The following SYNPR variants were observed in gnomAD, a reference collection of about 807,000 sequenced individuals.
The protein encoded by SYNPR is synaptoporin.
Under a neutral mutation model 32.9 loss-of-function variants are expected in SYNPR, and 23 were observed. The ratio of observed to expected loss-of-function variants is 0.70; its 90% confidence interval spans 0.50 to 0.99. SYNPR has a LOEUF of 0.99. SYNPR is among the 50% of genes least tolerant of loss of function. SYNPR has a pLI of 0.00. For missense variants in SYNPR, 318 were observed against 349.3 expected (o/e 0.91, Z 0.71); for synonymous variants, 146 against 135.9 (o/e 1.07, Z -0.52).
At chr3:63,499,836 C>T (rs1027441286) in intron 3 of SYNPR, among the ~76,000 whole-genome samples, 4 of 151,882 alleles carry the variant, frequency 2.6e-5, no homozygotes, top group Admixed American at 2.0e-4. Flanking sequence ...ACACTGAGGA[C>T]CACCAAGATT....
chr3:63,227,897 G>A (rs80259652), upstream of SYNPR, among the ~76,000 whole-genome samples: 556 of 152,286 alleles, frequency 3.7e-3, 2 homozygotes, highest in Middle Eastern at 0.017. Context: ...TCACACACAA[G>A]TGGAATTCTG....
chr3:63,357,180 C>G (rs2087594375), intron 2 of SYNPR, among the ~76,000 whole-genome samples: 1 of 152,144 alleles, frequency 6.6e-6, no homozygotes, highest in African/African-American at 2.4e-5. Context: ...ATTTGCTATC[C>G]CTGTTCATCG....
At chr3:63,402,802 C>A (rs1438803448) in intron 2 of SYNPR, among the ~76,000 whole-genome samples, 1 of 152,172 alleles carries the variant, frequency 6.6e-6, no homozygotes, top group African/African-American at 2.4e-5. Flanking sequence ...ATTTGTTGCA[C>A]AAATAAATAA....
the SYNPR span, among the ~76,000 whole-genome samples, chr3:63,218,959 C>T: frequency 1.3e-5 from 2 of 152,150 alleles, no homozygotes; most frequent in Non-Finnish European, 2.9e-5. Context: ...ATGCTATATG[C>T]AGGAATACAG....
At chr3:63,570,031 G>T (rs923979861) in intron 4 of SYNPR, among the ~76,000 whole-genome samples, 13 of 152,096 alleles carry the variant, frequency 8.5e-5, no homozygotes, top group African/African-American at 3.1e-4. Flanking sequence ...GCTTTCATTG[G>T]CTTTGTTTGT....
chr3:63,225,252 C>T (rs539802022), upstream of SYNPR, among the ~76,000 whole-genome samples: 13 of 152,310 alleles, frequency 8.5e-5, no homozygotes, highest in South Asian at 2.7e-3. Flanking sequence ...TTAGTATATA[C>T]ACTGTGACTT....
At chr3:63,461,039 G>T (rs1245905173) in intron 2 of SYNPR, among the ~76,000 whole-genome samples, 1 of 151,858 alleles carries the variant, frequency 6.6e-6, no homozygotes, top group Non-Finnish European at 1.5e-5. Flanking sequence ...TGACTCTCAG[G>T]TTTGTTTTTT....
the SYNPR span, among the ~76,000 whole-genome samples, chr3:63,218,625 T>G: frequency 6.6e-6 from 1 of 152,320 alleles, no homozygotes. Flanking sequence ...CTTAAGAAAG[T>G]AAAGCTTCTG....
intron 3 of SYNPR, among the ~76,000 whole-genome samples, chr3:63,546,028 G>A (rs533426351): frequency 3.5e-4 from 53 of 152,158 alleles, no homozygotes; most frequent in South Asian, 2.1e-3. Context: ...GACTGTTTTT[G>A]TTTCACAATT....
At chr3:63,209,858 T>C in the SYNPR span, among the ~76,000 whole-genome samples, 1 of 152,322 alleles carries the variant, frequency 6.6e-6, no homozygotes, top group East Asian at 1.9e-4. Context: ...CTGTCTCCTC[T>C]AAAGATTGGA....
At chr3:63,478,487 TA>T (rs1409698643) in intron 2 of SYNPR, among the ~76,000 whole-genome samples, 1 of 152,192 alleles carries the variant, frequency 6.6e-6, no homozygotes, top group East Asian at 1.9e-4. Context: ...TTGTTGCCAC[TA>T]GGAAATATGA....
intron 3 of SYNPR, among the ~76,000 whole-genome samples, chr3:63,515,156 G>GC (rs1007335225): frequency 2.4e-4 from 37 of 151,780 alleles, no homozygotes; most frequent in Admixed American, 3.9e-4. Context: ...TATTATTTCT[G>GC]CCCCCCCATC....
intron 2 of SYNPR, among the ~76,000 whole-genome samples, chr3:63,444,957 A>AG (rs1553636723): frequency 2.0e-5 from 3 of 151,130 alleles, no homozygotes; most frequent in Admixed American, 6.6e-5. Context: ...TTGTTGGAAA[A>AG]AAAACAAAAC....
intron 2 of SYNPR, among the ~76,000 whole-genome samples, chr3:63,316,776 A>T (rs7645423): frequency 0.76 from 115,526 of 151,790 alleles, 44,752 homozygotes; most frequent in Non-Finnish European, 0.83. Flanking sequence ...CTGCTGGGTT[A>T]GGGGTTGGTT....
In SYNPR at chr3:63,278,415, C is replaced by A; in HGVS notation, c.-119C>A. On this transcript the variant is annotated 5_prime_UTR_variant, in exon 1 of 6. Transcript: ENST00000478300. ...GGCCCCCTGCCCTCGCCGGGCTGCT[C>A]CAGGGTGTCGCTCCTCTGGCTGCTC... 7.5e-7 allele frequency: 1 copy of A among 1,341,792 alleles called. No homozygotes were observed. The highest frequency in any genetic ancestry group is 1.0e-6 in the Non-Finnish European group (1 of 999,402). The allele number at this position is 1,341,792 out of a possible 1,614,324, so 83.1% of individuals were successfully genotyped here. A position where few individuals can be genotyped will look rare whatever the true frequency, so the allele number is the denominator to read the frequency against.
intron 2 of SYNPR, among the ~76,000 whole-genome samples, chr3:63,401,150 G>A (rs1201762644): frequency 2.0e-5 from 3 of 152,084 alleles, no homozygotes; most frequent in Non-Finnish European, 2.9e-5. Context: ...GAGATAAAAC[G>A]ATGGCATTCA....
chr3:63,508,347 T>C (rs1042099631), intron 3 of SYNPR, among the ~76,000 whole-genome samples: 3 of 152,146 alleles, frequency 2.0e-5, no homozygotes, highest in East Asian at 3.9e-4. Context: ...GAGGAAGTGA[T>C]TGACATAAAC....
chr3:63,303,500 T>G (rs1328180583), intron 2 of SYNPR, among the ~76,000 whole-genome samples: 1 of 152,038 alleles, frequency 6.6e-6, no homozygotes, highest in Non-Finnish European at 1.5e-5. Context: ...TATGAATATG[T>G]CTACAAAACA....
chr3:63,205,086 T>C, the SYNPR span, among the ~76,000 whole-genome samples: 10 of 152,270 alleles, frequency 6.6e-5, no homozygotes, highest in African/African-American at 1.4e-4. Context: ...ACTTTATATA[T>C]TTTGTAGCAT....
Sources: allele counts gnomAD v4.1 joint callset (sites outside exome capture counted in the v4.1 genomes callset), GRCh38; gene constraint gnomAD v4.1.1; transcripts MANE v1.5; gene names NCBI Gene and HGNC (gene_info 2026-07-23, HGNC 2026-07-21).